HIBADH: variants seen among roughly 807,000 people sequenced by gnomAD.
The protein encoded by HIBADH is 3-hydroxyisobutyrate dehydrogenase.
In HIBADH, 25 loss-of-function variants were observed where a neutral mutation model predicts 36.1. That is an observed-to-expected ratio of 0.69 (90% CI 0.50 to 0.97). The LOEUF (loss-of-function observed/expected upper bound fraction) is 0.97, where lower values mean the gene tolerates loss of function less well. Among genes scored for constraint, HIBADH ranks in the 50% least tolerant of loss-of-function variants. The probability of loss-of-function intolerance (pLI) is 0.00; values close to 1 mark genes in which losing one functional copy is unlikely to be tolerated. For synonymous variants in HIBADH, 160 were observed against 149.5 expected, an observed-to-expected ratio of 1.07 and a Z score of -0.51; for missense variants, 421 against 418.0, an observed-to-expected ratio of 1.01 and a Z score of -0.06.
At chr7:27,662,661 A>C (rs1245823915) in intron 1 of HIBADH, 37 bp downstream of exon 1, 1 of 1,230,686 alleles carries the variant, frequency 8.1e-7, no homozygotes, top group Admixed American at 4.2e-5. Context: ...CGAGCGGCCG[A>C]AAGAAGGACA....
intron 4 of HIBADH, among the ~76,000 whole-genome samples, chr7:27,611,386 G>C (rs1785318757): frequency 6.6e-6 from 1 of 152,164 alleles, no homozygotes; most frequent in South Asian, 2.1e-4. Context: ...TTAGTCACTA[G>C]CAATAGTTTT....
intron 4 of HIBADH, among the ~76,000 whole-genome samples, chr7:27,576,229 G>A (rs1006481179): frequency 6.6e-6 from 1 of 152,160 alleles, no homozygotes; most frequent in Non-Finnish European, 1.5e-5. Context: ...GTTATTTAGA[G>A]TAAAACTTTA....
At chr7:27,547,406 ATC>A (rs1784249286) in intron 4 of HIBADH, among the ~76,000 whole-genome samples, 3 of 152,140 alleles carry the variant, frequency 2.0e-5, no homozygotes, top group Admixed American at 6.6e-5. Context: ...CATAGCATTT[ATC>A]ACCTCTTTAA....
intron 4 of HIBADH, among the ~76,000 whole-genome samples, chr7:27,549,090 C>T (rs1322222017): frequency 6.6e-6 from 1 of 152,022 alleles, no homozygotes; most frequent in East Asian, 1.9e-4. Context: ...TCTAAATGCA[C>T]ATAATACTCC....
chr7:27,610,043 T>G (rs1202822891), intron 4 of HIBADH, among the ~76,000 whole-genome samples: 1 of 152,034 alleles, frequency 6.6e-6, no homozygotes, highest in African/African-American at 2.4e-5. Flanking sequence ...GGTCTCAAAC[T>G]CTTGATCTCA....
chr7:27,545,895 C>A (rs1784229994), intron 4 of HIBADH, among the ~76,000 whole-genome samples: 2 of 152,086 alleles, frequency 1.3e-5, no homozygotes, highest in African/African-American at 4.8e-5. Context: ...GCATGATATA[C>A]TCAACAAATG....
At chr7:27,607,273 C>T (rs972570744) in intron 4 of HIBADH, among the ~76,000 whole-genome samples, 22 of 152,018 alleles carry the variant, frequency 1.4e-4, no homozygotes, top group African/African-American at 4.6e-4. Context: ...TTTGAGAGAC[C>T]GAGGTGGGCA....
At chr7:27,648,331 T>G (rs1163643896) in intron 2 of HIBADH, among the ~76,000 whole-genome samples, 1 of 152,170 alleles carries the variant, frequency 6.6e-6, no homozygotes, top group Non-Finnish European at 1.5e-5. Context: ...GCCACAACAC[T>G]ACCCTGAAAA....
intron 4 of HIBADH, among the ~76,000 whole-genome samples, chr7:27,588,210 T>C (rs1044864850): frequency 2.6e-5 from 4 of 152,178 alleles, no homozygotes. Flanking sequence ...TTATGGACAA[T>C]GGAGGGTTGT....
intron 2 of HIBADH, among the ~76,000 whole-genome samples, chr7:27,639,403 CAAAG>C (rs1163266517): frequency 5.9e-5 from 9 of 151,858 alleles, no homozygotes; most frequent in Admixed American, 5.3e-4. Flanking sequence ...CACACAGACA[CAAAG>C]AAAGGAACAA....
rs3072856 is a variant in HIBADH, at chr7:27,555,302, CTT to C, written c.485-12204_485-12203del. 8.2e-3 allele frequency among the ~76,000 whole-genome samples: 1,039 copies of C among 127,376 alleles called. 10 individuals carry two copies. The highest frequency in any genetic ancestry group is 0.046 in the Middle Eastern group (11 of 240). 83.6% of individuals were successfully genotyped at this position (127,376 alleles called of 152,430 possible). On this transcript the variant is annotated intron_variant, in intron 4 of 7. Coordinates refer to ENST00000265395, the MANE Select transcript of HIBADH (RefSeq NM_152740.4). ...AGCAAAAGGAACATTTCTTGCTCTA[CTT>C]TTTTTTTTTTTTTTTTTTTAAATAA...
chr7:27,661,655 T>C (rs2128298568), intron 1 of HIBADH, among the ~76,000 whole-genome samples: 1 of 152,050 alleles, frequency 6.6e-6, no homozygotes, highest in Non-Finnish European at 1.5e-5. Flanking sequence ...TATTTTTTTT[T>C]TAAGCAAAGA....
chr7:27,621,112 A>C (rs1785534051), intron 4 of HIBADH, among the ~76,000 whole-genome samples: 2 of 54,166 alleles, frequency 3.7e-5, no homozygotes. Flanking sequence ...AATAAAGAAC[A>C]ATAAAAAGAC....
At chr7:27,564,341 G>T (rs1317321895) in intron 4 of HIBADH, among the ~76,000 whole-genome samples, 3 of 152,112 alleles carry the variant, frequency 2.0e-5, no homozygotes, top group East Asian at 3.9e-4. Context: ...AGCTCATTTT[G>T]AGTTATTTTT....
intron 4 of HIBADH, among the ~76,000 whole-genome samples, chr7:27,602,081 A>G (rs1384352185): frequency 1.3e-5 from 2 of 151,840 alleles, no homozygotes; most frequent in African/African-American, 2.4e-5. Flanking sequence ...AAAATCCTCT[A>G]CCTAAAATGT....
intron 4 of HIBADH, among the ~76,000 whole-genome samples, chr7:27,587,135 C>T (rs1784877302): frequency 6.6e-6 from 1 of 152,184 alleles, no homozygotes; most frequent in Admixed American, 6.5e-5. Context: ...TAGAACCGAT[C>T]TCACACTGAC....
intron 1 of HIBADH, 84 bp downstream of exon 1, chr7:27,662,614 C>A: frequency 1.1e-6 from 1 of 897,652 alleles, no homozygotes. Flanking sequence ...CAGGGCCTCC[C>A]GAGAAAAGAC....
At chr7:27,595,967 G>T (rs1469871147) in intron 4 of HIBADH, among the ~76,000 whole-genome samples, 1 of 152,118 alleles carries the variant, frequency 6.6e-6, no homozygotes, top group African/African-American at 2.4e-5. Flanking sequence ...GACTAGAAAA[G>T]AAATGTAAAG....
chr7:27,591,914 G>C (rs150822636), intron 4 of HIBADH, among the ~76,000 whole-genome samples: 1 of 152,290 alleles, frequency 6.6e-6, no homozygotes, highest in South Asian at 2.1e-4. Flanking sequence ...ACCTTCATGT[G>C]AGTGTCTTGT....
Sources: allele counts gnomAD v4.1 joint callset (sites outside exome capture counted in the v4.1 genomes callset), GRCh38; gene constraint gnomAD v4.1.1; transcripts MANE v1.5; gene names NCBI Gene and HGNC (gene_info 2026-07-23, HGNC 2026-07-21).